IQCK: variants seen among roughly 807,000 people sequenced by gnomAD.
The protein encoded by IQCK is IQ motif containing K, also known as IQ domain-containing protein K.
Under a neutral mutation model 28.1 loss-of-function variants are expected in IQCK, and 29 were observed. The observed-to-expected ratio is 1.03, with a 90% CI of 0.77 to 1.41. The LOEUF is 1.41. Ranked by LOEUF, IQCK falls within the 40% of genes most tolerant of loss-of-function variation. The pLI is 0.00. For missense variants in IQCK, 359 were observed against 314.7 expected, an observed-to-expected ratio of 1.14 and a Z score of -1.07; for synonymous variants, 113 against 115.1, an observed-to-expected ratio of 0.98 and a Z score of 0.12.
At chr16:19,728,578 A>T (rs28420620) in intron 1 of IQCK, among the ~76,000 whole-genome samples, 292 of 152,272 alleles carry the variant, frequency 1.9e-3, no homozygotes, top group African/African-American at 6.7e-3. Context: ...CAAAACCGAA[A>T]TTCTGTCAAC....
chr16:19,775,451 A>G (rs1180364593), intron 6 of IQCK, among the ~76,000 whole-genome samples: 5 of 152,100 alleles, frequency 3.3e-5, no homozygotes, highest in Admixed American at 6.6e-5. Flanking sequence ...ACATTTACAT[A>G]GTGTTTACTT....
At chr16:19,721,026 AC>A (rs1479538615) in intron 1 of IQCK, among the ~76,000 whole-genome samples, 4 of 151,744 alleles carry the variant, frequency 2.6e-5, no homozygotes, top group Non-Finnish European at 4.4e-5. Context: ...AAAAAAAAAA[AC>A]AATTCAGTGA....
chr16:19,756,207 C>T (rs1263615080), intron 4 of IQCK, among the ~76,000 whole-genome samples: 1 of 152,054 alleles, frequency 6.6e-6, no homozygotes, highest in Non-Finnish European at 1.5e-5. Flanking sequence ...CATAGTTCAC[C>T]ATATTCTTTT....
At chr16:19,775,094 G>T (rs1245876923) in intron 6 of IQCK, among the ~76,000 whole-genome samples, 1 of 151,996 alleles carries the variant, frequency 6.6e-6, no homozygotes, top group Non-Finnish European at 1.5e-5. Flanking sequence ...AGGCGTGGTG[G>T]TGTGTGCCTG....
chr16:19,832,666 T>G (rs533492314), intron 9 of IQCK, among the ~76,000 whole-genome samples: 1 of 152,324 alleles, frequency 6.6e-6, no homozygotes, highest in Admixed American at 6.5e-5. Flanking sequence ...TATACTGTAT[T>G]AGTCCATTTT....
intron 9 of IQCK, among the ~76,000 whole-genome samples, chr16:19,842,551 A>G (rs1277428631): frequency 6.6e-6 from 1 of 152,200 alleles, no homozygotes; most frequent in Non-Finnish European, 1.5e-5. Flanking sequence ...AAAATCCATT[A>G]AATCCTTTTC....
At chr16:19,732,102 C>T (rs1977858581) in intron 2 of IQCK, among the ~76,000 whole-genome samples, 1 of 152,200 alleles carries the variant, frequency 6.6e-6, no homozygotes, top group Admixed American at 6.5e-5. Flanking sequence ...TTGTTCCTTC[C>T]AGGCCCTCAG....
chr16:19,806,298 G>A (rs754533306), intron 7 of IQCK, among the ~76,000 whole-genome samples: 4 of 152,098 alleles, frequency 2.6e-5, no homozygotes, highest in Non-Finnish European at 5.9e-5. Context: ...CCAGGAGGTT[G>A]AGGCTACAGT....
intron 4 of IQCK, among the ~76,000 whole-genome samples, chr16:19,762,562 T>A (rs949522217): frequency 2.8e-4 from 43 of 152,238 alleles, no homozygotes; most frequent in Admixed American, 7.9e-4. Context: ...TGTTTGTTGA[T>A]GTTCTTATAA....
chr16:19,757,042 TTTG>T (rs1325853186), intron 4 of IQCK, among the ~76,000 whole-genome samples: 3 of 152,130 alleles, frequency 2.0e-5, no homozygotes, highest in Non-Finnish European at 4.4e-5. Flanking sequence ...GAGACAAATG[TTTG>T]TTGTTTATTA....
exon 10 of IQCK, chr16:19,856,967 C>G: frequency 5.9e-6 from 1 of 169,374 alleles, no homozygotes; most frequent in East Asian, 1.7e-4. Context: ...TTAAGTTTAC[C>G]TAGTGACTGA....
chr16:19,776,670 C>T (rs1302410346), intron 6 of IQCK, among the ~76,000 whole-genome samples: 1 of 152,166 alleles, frequency 6.6e-6, no homozygotes, highest in East Asian at 1.9e-4. Flanking sequence ...GATGGTGCCA[C>T]TGCACTCCAG....
intron 7 of IQCK, among the ~76,000 whole-genome samples, chr16:19,823,943 T>A (rs117846759): frequency 0.093 from 13,960 of 150,566 alleles, 969 homozygotes; most frequent in East Asian, 0.25. Context: ...AAAAAATAAA[T>A]AAATAAATAA....
Position 19,724,520 on chromosome 16 carries a change from T to C in IQCK, c.182-5910T>C, listed in dbSNP as rs149096423. On this transcript the variant is annotated intron_variant, in intron 1 of 7. Transcript: ENST00000564186. ...GTGGGTCAATGCTACATTTTTGTTG[T>C]TGGGTTTTTTTTTGTTTTTTGTTTT... Among the ~76,000 whole-genome samples, 1,289 of 152,018 alleles carry C rather than the reference T, an allele frequency of 8.5e-3. 18 individuals are homozygous for C. Among genetic ancestry groups the C allele is most frequent in the Admixed American group, 0.035 (527 of 15,238 alleles).
intron 6 of IQCK, among the ~76,000 whole-genome samples, chr16:19,768,397 G>A (rs2055272488): frequency 6.6e-6 from 1 of 152,184 alleles, no homozygotes; most frequent in Admixed American, 6.5e-5. Flanking sequence ...AACTACAGTA[G>A]TACTTCAGGC....
At chr16:19,736,805 C>T (rs1001805840) in intron 4 of IQCK, among the ~76,000 whole-genome samples, 6 of 151,836 alleles carry the variant, frequency 4.0e-5, no homozygotes, top group Non-Finnish European at 8.8e-5. Context: ...GAAATGTGAT[C>T]AAGGGTGAAT....
intron 4 of IQCK, among the ~76,000 whole-genome samples, chr16:19,753,082 C>T (rs2055008579): frequency 6.6e-6 from 1 of 152,028 alleles, no homozygotes; most frequent in Non-Finnish European, 1.5e-5. Context: ...GAGTCTCTCC[C>T]AGAGTTTCTC....
exon 10 of IQCK, chr16:19,857,591 G>A (rs1241686438): frequency 1.1e-5 from 4 of 348,308 alleles, no homozygotes; most frequent in African/African-American, 2.2e-5. Context: ...GAGAACTCCT[G>A]TAAGCTGGTA....
At chr16:19,761,541 T>C in intron 4 of IQCK, 1 of 271,494 alleles carries the variant, frequency 3.7e-6, no homozygotes, top group Non-Finnish European at 7.6e-6. Context: ...CTAGACTGAC[T>C]TGATTCTTAG....
Sources: allele counts gnomAD v4.1 joint callset (sites outside exome capture counted in the v4.1 genomes callset), GRCh38; gene constraint gnomAD v4.1.1; transcripts MANE v1.5; gene names NCBI Gene and HGNC (gene_info 2026-07-23, HGNC 2026-07-21).